DSCAML1: variants seen among roughly 807,000 people sequenced by gnomAD.
DSCAML1 encodes DS cell adhesion molecule like 1, also known as cell adhesion molecule DSCAML1.
In DSCAML1, 38 loss-of-function variants were observed where a neutral mutation model predicts 200.5. That is an observed-to-expected ratio of 0.19 (90% CI 0.15 to 0.25). The LOEUF is 0.25. Among genes scored for constraint, DSCAML1 ranks in the 10% least tolerant of loss-of-function variants. The pLI is 1.00. For synonymous variants in DSCAML1, 1,215 were observed against 1,165.0 expected (o/e 1.04, Z -0.87); for missense variants, 2,223 against 2,858.8 (o/e 0.78, Z 5.07).
chr11:117,481,830 G>T, intron 12 of DSCAML1, 133 bp downstream of exon 12: 1 of 908,942 alleles, frequency 1.1e-6, no homozygotes, highest in Non-Finnish European at 1.7e-6. Context: ...GGTGGGAAAG[G>T]GGAGGTACAT....
At chr11:117,690,111 AC>A (rs1193889646) in intron 3 of DSCAML1, among the ~76,000 whole-genome samples, 2 of 152,258 alleles carry the variant, frequency 1.3e-5, no homozygotes, top group African/African-American at 4.8e-5. Flanking sequence ...ACCAAAGAAC[AC>A]AATGAAGTAA....
intron 14 of DSCAML1, among the ~76,000 whole-genome samples, chr11:117,472,459 GTCTCC>G (rs1423279798): frequency 1.3e-5 from 2 of 152,206 alleles, no homozygotes; most frequent in Non-Finnish European, 2.9e-5. Context: ...AGGAGGCTAA[GTCTCC>G]TCTCCTTTTC....
At chr11:117,797,243 T>C, upstream of DSCAML1, 1 of 1,448,668 alleles carries the variant, frequency 6.9e-7, no homozygotes, top group Non-Finnish European at 9.1e-7. Flanking sequence ...CCTCCTCGGC[T>C]CCCCGGCTCC....
chr11:117,548,692 C>T (rs144499748), intron 3 of DSCAML1, among the ~76,000 whole-genome samples: 72 of 152,230 alleles, frequency 4.7e-4, no homozygotes, highest in African/African-American at 1.7e-3. Context: ...CCCGAGTGCA[C>T]CGTTAGTTCT....
At chr11:117,513,120 C>T (rs1272963860) in intron 8 of DSCAML1, among the ~76,000 whole-genome samples, 1 of 152,100 alleles carries the variant, frequency 6.6e-6, no homozygotes, top group Non-Finnish European at 1.5e-5. Flanking sequence ...TACACTTAAA[C>T]TCTCGGTCCA....
intron 3 of DSCAML1, among the ~76,000 whole-genome samples, chr11:117,767,507 G>T (rs1043177458): frequency 6.6e-6 from 1 of 152,124 alleles, no homozygotes; most frequent in African/African-American, 2.4e-5. Context: ...TGCAACGTAC[G>T]CTTAACAGCT....
chr11:117,562,565 G>T (rs912398766), intron 3 of DSCAML1, among the ~76,000 whole-genome samples: 1 of 152,218 alleles, frequency 6.6e-6, no homozygotes, highest in East Asian at 1.9e-4. Context: ...GAGGCCCAAG[G>T]TTAAAGAAGC....
chr11:117,515,268 G>A (rs1489408695), intron 8 of DSCAML1, among the ~76,000 whole-genome samples: 1 of 152,150 alleles, frequency 6.6e-6, no homozygotes, highest in Non-Finnish European at 1.5e-5. Context: ...GGCTGACTCA[G>A]TACCCAACCC....
chr11:117,460,446 A>G (rs1005474067), intron 18 of DSCAML1, among the ~76,000 whole-genome samples: 2 of 152,014 alleles, frequency 1.3e-5, no homozygotes. Flanking sequence ...AGGAAAGAAG[A>G]GAGGGCCCAG....
At chr11:117,709,179 G>T (rs778525035) in intron 3 of DSCAML1, among the ~76,000 whole-genome samples, 4 of 152,232 alleles carry the variant, frequency 2.6e-5, no homozygotes, top group Non-Finnish European at 4.4e-5. Context: ...TTGGCCATTA[G>T]CTATCATGAA....
At chr11:117,585,811 C>T (rs1380334829) in intron 3 of DSCAML1, among the ~76,000 whole-genome samples, 1 of 152,144 alleles carries the variant, frequency 6.6e-6, no homozygotes, top group Non-Finnish European at 1.5e-5. Context: ...CTGGAGGCGC[C>T]GCTGAAATGT....
chr11:117,626,715 C>T (rs977948249), intron 3 of DSCAML1, among the ~76,000 whole-genome samples: 4 of 152,328 alleles, frequency 2.6e-5, no homozygotes, highest in Non-Finnish European at 5.9e-5. Flanking sequence ...CAGGCACCCA[C>T]TGTCCCTATG....
chr11:117,802,953 T>C (rs2134085371), intron 1 of DSCAML1, among the ~76,000 whole-genome samples: 1 of 152,312 alleles, frequency 6.6e-6, no homozygotes. Flanking sequence ...CCTAGTAATG[T>C]GTTCACATGG....
At chr11:117,676,537 T>C (rs1032155805) in intron 3 of DSCAML1, among the ~76,000 whole-genome samples, 8 of 151,806 alleles carry the variant, frequency 5.3e-5, no homozygotes, top group African/African-American at 1.9e-4. Flanking sequence ...TCCAGGGGGG[T>C]TCCATTGCCA....
At chr11:117,723,337 C>T (rs1179409322) in intron 3 of DSCAML1, among the ~76,000 whole-genome samples, 6 of 152,152 alleles carry the variant, frequency 3.9e-5, no homozygotes, top group Admixed American at 1.3e-4. Context: ...GTTTTGATCT[C>T]GGTCCATTAG....
At chr11:117,542,356 A>AACAACAACAACAAC (rs1565777354) in intron 3 of DSCAML1, among the ~76,000 whole-genome samples, 1 of 148,738 alleles carries the variant, frequency 6.7e-6, no homozygotes, top group African/African-American at 2.5e-5. Context: ...ACAACAACAA[A>AACAACAACAACAAC]AAAAAAACAG....
chr11:117,508,677 T>C (rs890220909), intron 8 of DSCAML1, among the ~76,000 whole-genome samples: 14 of 152,010 alleles, frequency 9.2e-5, no homozygotes, highest in Admixed American at 2.0e-4. Context: ...CTGTGTACGC[T>C]TGAACACGAG....
At chr11:117,502,794 C>G (rs2137272084) in intron 11 of DSCAML1, among the ~76,000 whole-genome samples, 1 of 152,312 alleles carries the variant, frequency 6.6e-6, no homozygotes, top group South Asian at 2.1e-4. Flanking sequence ...CTTACACCAT[C>G]TGACTCGCTC....
At chr11:117,684,435 T>TAAAAAAAAAAAAAAA (rs149958154) in intron 3 of DSCAML1, among the ~76,000 whole-genome samples, 4 of 74,594 alleles carry the variant, frequency 5.4e-5, no homozygotes, top group African/African-American at 8.4e-5. Flanking sequence ...TTTCATTAAC[T>TAAAAAAAAAAAAAAA]AAAAAAAAAA....
Sources: allele counts gnomAD v4.1 joint callset (sites outside exome capture counted in the v4.1 genomes callset), GRCh38; gene constraint gnomAD v4.1.1; transcripts MANE v1.5; gene names NCBI Gene and HGNC (gene_info 2026-07-23, HGNC 2026-07-21).